Variants in NBEA observed in about 807,000 individuals in gnomAD.
NBEA encodes the protein neurobeachin.
Under a neutral mutation model 343.4 loss-of-function variants are expected in NBEA, and 44 were observed. That is an observed-to-expected ratio of 0.13 (90% CI 0.10 to 0.16). NBEA has a LOEUF of 0.16. NBEA is among the 10% of genes least tolerant of loss of function. The pLI is 1.00. For missense variants in NBEA, 2,555 were observed against 3,631.3 expected, an observed-to-expected ratio of 0.70 and a Z score of 7.62; for synonymous variants, 1,175 against 1,238.7, an observed-to-expected ratio of 0.95 and a Z score of 1.08.
chr13:35,647,002 A>G (rs987842858), intron 51 of NBEA, among the ~76,000 whole-genome samples: 10 of 152,356 alleles, frequency 6.6e-5, no homozygotes, highest in African/African-American at 2.2e-4. Context: ...AGCACCTGTC[A>G]TACAATAAGT....
intron 41 of NBEA, among the ~76,000 whole-genome samples, chr13:35,517,079 T>A (rs149212640): frequency 1.4e-3 from 211 of 152,300 alleles, no homozygotes; most frequent in African/African-American, 4.9e-3. Flanking sequence ...ATGTTTTAGA[T>A]CTCCAAATGT....
chr13:35,028,805 C>G (rs1208841287), intron 1 of NBEA, among the ~76,000 whole-genome samples: 1 of 151,230 alleles, frequency 6.6e-6, no homozygotes, highest in Admixed American at 6.6e-5. Flanking sequence ...TTTGGTAACT[C>G]TAATATACTT....
At chr13:35,308,464 A>ATG (rs1566596995) in intron 35 of NBEA, among the ~76,000 whole-genome samples, 99 of 120,796 alleles carry the variant, frequency 8.2e-4, no homozygotes, top group South Asian at 2.8e-3. Flanking sequence ...ATATATATAT[A>ATG]TATATATATG....
At chr13:35,662,082 C>T (rs1326726977) in intron 55 of NBEA, among the ~76,000 whole-genome samples, 1 of 152,194 alleles carries the variant, frequency 6.6e-6, no homozygotes, top group Non-Finnish European at 1.5e-5. Context: ...ACTAAAAAAC[C>T]TCTCCTGTCT....
chr13:35,513,329 T>TTA (rs1230507327), intron 41 of NBEA, among the ~76,000 whole-genome samples: 6 of 133,720 alleles, frequency 4.5e-5, no homozygotes, highest in Admixed American at 3.7e-4. Context: ...TTTTTTTTTT[T>TTA]TAGTAGAGAT....
intron 45 of NBEA, among the ~76,000 whole-genome samples, chr13:35,569,427 C>T (rs980573827): frequency 6.6e-5 from 10 of 152,218 alleles, no homozygotes; most frequent in Admixed American, 5.9e-4. Flanking sequence ...CAACCTCGTA[C>T]GATGACTACT....
chr13:35,081,934 T>C (rs372490876), intron 10 of NBEA, among the ~76,000 whole-genome samples: 1 of 152,282 alleles, frequency 6.6e-6, no homozygotes, highest in Non-Finnish European at 1.5e-5. Context: ...TTTTTTATTA[T>C]ACTTTAAGTT....
chr13:35,493,110 T>C (rs960900390), intron 41 of NBEA, among the ~76,000 whole-genome samples: 2 of 151,890 alleles, frequency 1.3e-5, no homozygotes, highest in Non-Finnish European at 2.9e-5. Context: ...TATAAGATTC[T>C]GGGTGGAGAG....
intron 41 of NBEA, among the ~76,000 whole-genome samples, chr13:35,514,271 C>G (rs374316131): frequency 8.5e-5 from 13 of 152,280 alleles, no homozygotes; most frequent in African/African-American, 3.1e-4. Flanking sequence ...ATGACGAGGG[C>G]TTACAAAACA....
chr13:35,410,171 G>A (rs1465434947), intron 38 of NBEA, among the ~76,000 whole-genome samples: 3 of 152,110 alleles, frequency 2.0e-5, no homozygotes, highest in East Asian at 3.9e-4. Context: ...TCTCAGTGAT[G>A]TATTTACAAT....
At chr13:35,513,913 A>G (rs539951295) in intron 41 of NBEA, among the ~76,000 whole-genome samples, 1 of 152,306 alleles carries the variant, frequency 6.6e-6, no homozygotes, top group South Asian at 2.1e-4. Flanking sequence ...CTATTTTATT[A>G]CACATTAATC....
chr13:35,220,065 A>T (rs767032925), intron 33 of NBEA, among the ~76,000 whole-genome samples: 2 of 152,162 alleles, frequency 1.3e-5, no homozygotes, highest in Non-Finnish European at 2.9e-5. Flanking sequence ...AACAGTGTGT[A>T]ATTGATAATC....
At chr13:34,984,385 A>G (rs1235202919) in intron 1 of NBEA, among the ~76,000 whole-genome samples, 2 of 151,986 alleles carry the variant, frequency 1.3e-5, no homozygotes, top group East Asian at 1.9e-4. Flanking sequence ...GAGGCCTCTG[A>G]TCTGTTCCAT....
chr13:35,351,326 A>G (rs191445690), intron 37 of NBEA, among the ~76,000 whole-genome samples: 211 of 152,128 alleles, frequency 1.4e-3, no homozygotes, highest in Non-Finnish European at 2.1e-3. Context: ...ACCACTCTGT[A>G]TATTTATTGT....
intron 34 of NBEA, among the ~76,000 whole-genome samples, chr13:35,262,982 C>A (rs116875895): frequency 1.3e-5 from 2 of 152,114 alleles, no homozygotes; most frequent in African/African-American, 4.8e-5. Context: ...TCCTAAAATT[C>A]ATTTGCAAAC....
At chr13:35,371,285 A>T (rs945402277) in intron 38 of NBEA, among the ~76,000 whole-genome samples, 1 of 152,038 alleles carries the variant, frequency 6.6e-6, no homozygotes, top group African/African-American at 2.4e-5. Flanking sequence ...GTGTTGTGTT[A>T]TGAGGACTTT....
chr13:35,620,745 CA>C (rs200801169), intron 48 of NBEA, among the ~76,000 whole-genome samples: 1,728 of 151,994 alleles, frequency 0.011, 44 homozygotes, highest in African/African-American at 0.039. Context: ...TGGCTTGGAC[CA>C]GGGGTAGCAG....
At chr13:35,223,448 G>T (rs1216740505) in intron 33 of NBEA, among the ~76,000 whole-genome samples, 1 of 152,106 alleles carries the variant, frequency 6.6e-6, no homozygotes, top group African/African-American at 2.4e-5. Context: ...GGCTTTGAAA[G>T]GGATTTCATC....
intron 30 of NBEA, among the ~76,000 whole-genome samples, chr13:35,191,219 C>G (rs998183713): frequency 6.6e-6 from 1 of 151,862 alleles, no homozygotes; most frequent in Non-Finnish European, 1.5e-5. Flanking sequence ...AAGAAAGGAG[C>G]AGAAAGAAAA....
Sources: gnomAD v4.1 joint callset for allele counts (sites outside exome capture counted in the v4.1 genomes callset) on GRCh38, gnomAD v4.1.1 for gene constraint, MANE v1.5 for transcripts, NCBI Gene and HGNC (gene_info 2026-07-23, HGNC 2026-07-21) for gene names.